HUWE1: variants seen among roughly 807,000 people sequenced by gnomAD.
HUWE1 encodes HECT, UBA and WWE domain containing E3 ubiquitin protein ligase 1.
Under a neutral mutation model 299.4 loss-of-function variants are expected in HUWE1, and 18 were observed. That is an observed-to-expected ratio of 0.06 (90% CI 0.04 to 0.09). The LOEUF is 0.09. HUWE1 is among the 10% of genes least tolerant of loss of function. The pLI is 1.00. For synonymous variants in HUWE1, 1,317 were observed against 1,286.1 expected (o/e 1.02, Z -0.51); for missense variants, 1,832 against 3,462.3 (o/e 0.53, Z 11.82).
chrX:53,624,415 T>TTAA (rs2066350683), intron 19 of HUWE1, among the ~76,000 whole-genome samples, 180 bp downstream of exon 19: 1 of 112,260 alleles, frequency 8.9e-6, no homozygotes. Flanking sequence ...GAGACTCGCT[T>TTAA]TAACCCGGGA....
At chrX:53,595,944 A>G (rs2064435889) in intron 29 of HUWE1, among the ~76,000 whole-genome samples, 1 of 112,220 alleles carries the variant, frequency 8.9e-6, no homozygotes, top group Non-Finnish European at 1.9e-5. Flanking sequence ...GCTTTTCAAT[A>G]TATAATTCAA....
At position 53,648,276 on chromosome X, in the gene HUWE1, T is replaced by C. The variant is rs782364822; in HGVS notation, c.80A>G (p.Lys27Arg). 11 of 1,196,729 alleles carry C rather than the reference T, an allele frequency of 9.2e-6. No individual in the cohort carries two copies. Among genetic ancestry groups the C allele is most frequent in the East Asian group, 3.0e-5 (1 of 33,734 alleles). The change falls in exon 5 of 84, where the codon AAA becomes AGA. Residue 27 changes from lysine (K) to arginine (R), a missense_variant. By Grantham distance (26) the Lys-to-Arg change is conservative. Transcript: ENST00000262854. The part of the protein sequence containing the change: ...ADCRALIDKL[K>R]VCNDEQLLLE... Reference sequence around the variant, plus strand: ...GAGAAGTTGCTCATCATTACAAACTTTGAGTTTGTCTATTAAGGCTCTGCA... The same window carrying C: ...GAGAAGTTGCTCATCATTACAAACTCTGAGTTTGTCTATTAAGGCTCTGCA...
chrX:53,551,305 A>G lies in HUWE1; in HGVS notation c.9057T>C (p.Pro3019=). ...CTGGAGGCAGGGCAGCCAGAAACTC[A>G]GGGCTCACTTCAGTCACACCAGGAT... is the stretch of plus-strand genomic sequence containing the variant. ...VGNPGVTEVS[P]EFLAALPPAI... Residue 3019 remains proline (P), a synonymous_variant, in exon 64 of 84, where the codon CCT becomes CCC. Coordinates refer to ENST00000262854, the MANE Select transcript of HUWE1 (RefSeq NM_031407.7). 1 of 1,210,174 alleles carries G rather than the reference A, an allele frequency of 8.3e-7. No individual in the cohort carries two copies. The highest frequency in any genetic ancestry group is 1.1e-6 in the Non-Finnish European group (1 of 894,738).
rs782815282 is a variant in HUWE1, at chrX:53,566,133, G to GTGTATATATATATA, written c.6708-895_6708-894insTATATATATATACA. 9.5e-3 allele frequency among the ~76,000 whole-genome samples: 371 copies of GTGTATATATATATA among 38,877 alleles called. 9 individuals carry two copies. Among genetic ancestry groups the GTGTATATATATATA allele is most frequent in the Admixed American group, 0.021 (62 of 2,910 alleles). The allele number at this position is 38,877 out of a possible 115,157, so 33.8% of individuals were successfully genotyped here. On this transcript the variant is annotated intron_variant, in intron 49 of 83. Transcript: ENST00000262854. ...TATGTATGTATGTGTGTGTGTGTGT[G>GTGTATATATATATA]TATATATATATATATATATATATAT...
Position 53,568,804 on chromosome X carries a change from T to G in HUWE1, c.6595A>C (p.Ser2199Arg). The G allele has an allele frequency of 8.3e-7, 1 of 1,209,629 alleles. No individual in the cohort carries two copies. Among genetic ancestry groups the G allele is most frequent in the Non-Finnish European group, 1.1e-6 (1 of 894,007 alleles). The change falls in exon 49 of 84, where the codon AGT becomes CGT. Residue 2199 changes from serine to arginine, a missense_variant. Physicochemically the swap from Ser to Arg is moderately radical, Grantham distance 110. This residue lies in a region of HUWE1 where 157 missense variants were observed against 252.3 expected (regional missense o/e 0.62). Coordinates refer to ENST00000262854, the MANE Select transcript of HUWE1 (RefSeq NM_031407.7). ...SCPSTSSFYS[S>R]ATAKTQHNGM... The stretch of plus-strand genomic sequence containing the variant: ...TTGTGCTGGGTCTTCGCTGTGGCAC[T>G]GCTGTAGAAGCTGGAGGTGGAGGGG...
At chrX:53,537,448 T>C (rs1556914036) in intron 78 of HUWE1, 108 bp downstream of exon 78, 5 of 822,089 alleles carry the variant, frequency 6.1e-6, no homozygotes, top group African/African-American at 2.0e-5. Context: ...GGAATTCCTA[T>C]TAGGGAGGGC....
chrX:53,670,491 A>G (rs782661008), intron 3 of HUWE1, among the ~76,000 whole-genome samples: 72 of 111,887 alleles, frequency 6.4e-4, no homozygotes, highest in Non-Finnish European at 1.1e-3. Flanking sequence ...ATAGGGTATC[A>G]TCCAGCTTTT....
intron 39 of HUWE1, 61 bp from the exon 40 acceptor site, chrX:53,585,249 A>G (rs2063801593): frequency 9.0e-7 from 1 of 1,108,362 alleles, no homozygotes; most frequent in African/African-American, 1.8e-5. Context: ...AAGAAATAGT[A>G]ACTTCATCAG....
rs2062867647 is a variant in HUWE1 at position 53,572,236 on chromosome X, C to T, written c.6312+1514G>A. 2.7e-5 allele frequency among the ~76,000 whole-genome samples: 3 copies of T among 111,022 alleles called. No homozygotes were observed. In the Admixed American group the frequency reaches 2.9e-4, roughly 11 times the overall value. ...ATTCCATTTACATGAACTACAAAACCAAATTACGGCACGAGAACTCAAGAT... is the reference window on the plus strand; with the variant it reads ...ATTCCATTTACATGAACTACAAAACTAAATTACGGCACGAGAACTCAAGAT... On this transcript the variant is annotated intron_variant, in intron 47 of 83. Coordinates refer to ENST00000262854, the MANE Select transcript of HUWE1 (RefSeq NM_031407.7).
chrX:53,631,298 T>A lies in HUWE1; in HGVS notation c.762+116A>T. ...CTCAGAGAAGCTAACAATTTGCCCA[T>A]GGTCTGACTCCAAAGCTGACATTCT... On this transcript the variant is annotated intron_variant, in intron 11 of 83. Coordinates refer to ENST00000262854, the MANE Select transcript of HUWE1 (RefSeq NM_031407.7). The A allele has an allele frequency of 5.0e-6, 3 of 601,142 alleles. No homozygotes were observed. The East Asian group carries it at 1.1e-4, about 21-fold the overall frequency. The allele number at this position is 601,142 out of a possible 1,213,427, so 49.5% of individuals were successfully genotyped here.
chrX:53,645,049 G>T (rs1251985493), intron 7 of HUWE1, among the ~76,000 whole-genome samples: 2 of 112,066 alleles, frequency 1.8e-5, no homozygotes, highest in African/African-American at 6.5e-5. Context: ...ATCTAATTTT[G>T]AACTTTCCTT....
intron 3 of HUWE1, among the ~76,000 whole-genome samples, chrX:53,662,861 G>A (rs906702914): frequency 2.2e-4 from 24 of 111,568 alleles, no homozygotes; most frequent in African/African-American, 7.8e-4. Context: ...AGCACTTTGG[G>A]AGGCTGAGGG....
At position 53,592,532 on chromosome X, in the gene HUWE1, T is replaced by C. The variant is rs1556980219; in HGVS notation, c.3838A>G (p.Ile1280Val). Reference protein sequence around the residue: ...AESMLAILCHILRGEPVIRER... With the variant: ...AESMLAILCHVLRGEPVIRER... ...CGAATCACAGGTTCTCCTCGGAGGA[T>C]GTGGCATAGAATGGCCAGCATCGAT... The change falls in exon 33 of 84, where the codon ATC becomes GTC. Residue 1280 changes from isoleucine (I) to valine (V), a missense_variant. Ile to Val is a conservative substitution (Grantham distance 29). Coordinates refer to ENST00000262854, the MANE Select transcript of HUWE1 (RefSeq NM_031407.7). 1 of 1,210,959 alleles carries C rather than the reference T, an allele frequency of 8.3e-7. No homozygotes were observed. Among genetic ancestry groups the C allele is most frequent in the East Asian group, 3.0e-5 (1 of 33,836 alleles).
At chrX:53,615,433 G>A (rs1189098020) in intron 22 of HUWE1, among the ~76,000 whole-genome samples, 4 of 110,441 alleles carry the variant, frequency 3.6e-5, no homozygotes, top group Non-Finnish European at 5.7e-5. Context: ...TCACCATGTT[G>A]TCCAGGCTGG....
chrX:53,536,062 T>C lies in HUWE1; in HGVS notation c.12531+85A>G, dbSNP rs781885880. On this transcript the variant is annotated intron_variant, in intron 80 of 83. Transcript: ENST00000262854. The stretch of plus-strand genomic sequence containing the variant: ...ATGCTTCCTTAGAACTATGAGAAGG[T>C]CACGCAGTGCTAGTTCTAAGGTGAA... 8 of 585,312 alleles carry C rather than the reference T, an allele frequency of 1.4e-5. No homozygotes were observed. In the South Asian group the frequency reaches 1.7e-4, roughly 12 times the overall value. 48.2% of individuals were successfully genotyped at this position (585,312 alleles called of 1,213,427 possible).
At chrX:53,557,606 T>C (rs2062081793) in intron 59 of HUWE1, among the ~76,000 whole-genome samples, 179 bp from the exon 60 acceptor site, 1 of 111,510 alleles carries the variant, frequency 9.0e-6, no homozygotes, top group African/African-American at 3.3e-5. Flanking sequence ...ATGACCAATT[T>C]CTCTATACAT....
At chrX:53,578,867 C>CCCCGCCCGGCCAGCAG (rs2063401727) in intron 43 of HUWE1, among the ~76,000 whole-genome samples, 1 of 80,159 alleles carries the variant, frequency 1.2e-5, no homozygotes. Context: ...GGGGTCAGCC[C>CCCCGCCCGGCCAGCAG]CCCGCCCGGC....
chrX:53,550,405 T>C (rs1393721655), intron 66 of HUWE1, among the ~76,000 whole-genome samples: 2 of 112,172 alleles, frequency 1.8e-5, no homozygotes, highest in African/African-American at 6.5e-5. Flanking sequence ...CAAGTGGTGT[T>C]CCTTCTTGTT....
At chrX:53,655,003 C>T (rs1557042280) in intron 3 of HUWE1, among the ~76,000 whole-genome samples, 1 of 111,015 alleles carries the variant, frequency 9.0e-6, no homozygotes, top group Non-Finnish European at 1.9e-5. Flanking sequence ...TTTATTAAGC[C>T]ATGTAATTTG....
Sources: gnomAD v4.1 joint callset for allele counts (sites outside exome capture counted in the v4.1 genomes callset) on GRCh38, gnomAD v4.1.1 for gene constraint, gnomAD v4.1.1 regional missense constraint, MANE v1.5 for transcripts, NCBI Gene and HGNC (gene_info 2026-07-23, HGNC 2026-07-21) for gene names.